The following DOCK1 variants were observed in gnomAD, a reference collection of about 807,000 sequenced individuals.
The protein encoded by DOCK1 is dedicator of cytokinesis 1, also known as dedicator of cytokinesis protein 1.
DOCK1 carries 138 observed loss-of-function variants against 262.7 expected under a neutral mutation model. The observed-to-expected ratio is 0.53, with a 90% CI of 0.46 to 0.61. The LOEUF (loss-of-function observed/expected upper bound fraction) is 0.61. Among genes scored for constraint, DOCK1 ranks in the 20% least tolerant of loss-of-function variants. DOCK1 has a pLI of 0.00. For missense variants in DOCK1, 1,908 were observed against 2,370.7 expected, an observed-to-expected ratio of 0.80 and a Z score of 4.05; for synonymous variants, 866 against 867.4, an observed-to-expected ratio of 1.00 and a Z score of 0.03.
intron 4 of DOCK1, among the ~76,000 whole-genome samples, chr10:126,985,909 A>G (rs892925165): frequency 6.6e-6 from 1 of 152,074 alleles, no homozygotes; most frequent in Admixed American, 6.5e-5. Context: ...CAATGGTACA[A>G]TCTTGGCTCA....
chr10:127,423,897 A>G (rs1313953055), intron 46 of DOCK1, among the ~76,000 whole-genome samples: 1 of 152,164 alleles, frequency 6.6e-6, no homozygotes, highest in East Asian at 1.9e-4. Flanking sequence ...ACTTAGGGAA[A>G]GTCCTCTCCC....
At chr10:127,397,732 GGGC>G (rs1316172569) in intron 38 of DOCK1, among the ~76,000 whole-genome samples, 7 of 91,742 alleles carry the variant, frequency 7.6e-5, no homozygotes, top group African/African-American at 2.3e-4. Context: ...TGTGTGACCC[GGGC>G]AGCGACTCCT....
chr10:127,399,338 T>C (rs1279386289), intron 38 of DOCK1, among the ~76,000 whole-genome samples: 4 of 152,158 alleles, frequency 2.6e-5, no homozygotes, highest in Non-Finnish European at 1.5e-5. Flanking sequence ...CTAGATCATA[T>C]TGAATCTGCC....
intron 32 of DOCK1, among the ~76,000 whole-genome samples, chr10:127,357,074 C>A (rs1309630460): frequency 2.0e-5 from 3 of 152,014 alleles, no homozygotes; most frequent in Admixed American, 2.0e-4. Flanking sequence ...CAACTGCAGC[C>A]ACCATTTGAC....
chr10:127,143,697 C>G (rs2051502009), intron 27 of DOCK1, among the ~76,000 whole-genome samples: 1 of 152,162 alleles, frequency 6.6e-6, no homozygotes, highest in African/African-American at 2.4e-5. Context: ...CCAGAGGAAA[C>G]TAAAAGTTGG....
chr10:127,411,031 T>A (rs748550867), intron 43 of DOCK1, 107 bp downstream of exon 43: 11 of 1,082,190 alleles, frequency 1.0e-5, no homozygotes, highest in Non-Finnish European at 1.3e-5. Context: ...CGGAGCCATA[T>A]TAAATGTCTT....
rs763380695 is a variant in DOCK1 at position 127,012,252 on chromosome 10, T to TTCGC, written c.1082_1083insCTCG (p.His362SerfsTer20). 14 of 1,609,228 alleles carry TTCGC rather than the reference T, an allele frequency of 8.7e-6. No individual in the cohort carries two copies. The highest frequency in any genetic ancestry group is 1.2e-5 in the Non-Finnish European group (14 of 1,175,598). On this transcript the variant is annotated frameshift_variant, in exon 12 of 52. Coordinates refer to ENST00000623213, the MANE Select transcript of DOCK1 (RefSeq NM_001290223.2). LOFTEE classifies it high-confidence loss of function. The surrounding 1 kb of genome is among the most constrained non-coding windows in gnomAD (Gnocchi z 4.0). ...TCCAGGCTCGCGTTGGACGACGCCA[T>TTCGC]TCGACACAAGCCGCTGAACATGTCA...
At chr10:127,166,897 G>A (rs1260285667) in intron 27 of DOCK1, among the ~76,000 whole-genome samples, 2 of 152,002 alleles carry the variant, frequency 1.3e-5, no homozygotes, top group East Asian at 1.9e-4. Flanking sequence ...TGGCTCGGTG[G>A]TGAGGCTTTT....
chr10:127,175,153 G>A lies in DOCK1; in HGVS notation c.2847+47389G>A, dbSNP rs1589776500. The A allele has an allele frequency of 2.8e-6, 4 of 1,430,574 alleles. No homozygotes were observed. The highest frequency in any genetic ancestry group is 3.9e-6 in the Non-Finnish European group (4 of 1,038,210). The allele number at this position is 1,430,574 out of a possible 1,614,324, so 88.6% of individuals were successfully genotyped here. ...TTACAGACTTGGGTTTGGGGCTACAGATGGACTCTGTGGTGATCAGCCTGC... is the reference window on the plus strand; with the variant it reads ...TTACAGACTTGGGTTTGGGGCTACAAATGGACTCTGTGGTGATCAGCCTGC... On this transcript the variant is annotated intron_variant, in intron 27 of 51. Transcript: ENST00000623213. This position sits in a 1 kb window ranked among gnomAD's most constrained non-coding sequence, Gnocchi z 6.3.
chr10:127,346,806 G>A (rs2063654673), intron 31 of DOCK1, among the ~76,000 whole-genome samples: 1 of 152,184 alleles, frequency 6.6e-6, no homozygotes, highest in African/African-American at 2.4e-5. Context: ...ATAGCAACAG[G>A]AGACTCTGGA....
chr10:127,329,418 G>A (rs929131303), intron 29 of DOCK1, among the ~76,000 whole-genome samples: 2 of 151,740 alleles, frequency 1.3e-5, no homozygotes, highest in African/African-American at 2.4e-5. Flanking sequence ...ACACTGGGGT[G>A]CTAGGGCAGG....
At chr10:127,307,829 A>G (rs1203613815) in intron 29 of DOCK1, among the ~76,000 whole-genome samples, 1 of 152,116 alleles carries the variant, frequency 6.6e-6, no homozygotes, top group East Asian at 1.9e-4. Context: ...TTCTCATGGG[A>G]GCCCCACCCC....
intron 1 of DOCK1, among the ~76,000 whole-genome samples, chr10:126,944,029 TG>T (rs1287140524): frequency 2.1e-5 from 3 of 143,392 alleles, no homozygotes; most frequent in African/African-American, 7.8e-5. Flanking sequence ...GAAGAGTTCA[TG>T]GGCAGTGGTT....
At chr10:127,217,088 G>A (rs1031032722) in intron 27 of DOCK1, among the ~76,000 whole-genome samples, 1 of 152,144 alleles carries the variant, frequency 6.6e-6, no homozygotes, top group Admixed American at 6.5e-5. Flanking sequence ...GAAAAGAAGG[G>A]AAGGGGCACA....
intron 1 of DOCK1, among the ~76,000 whole-genome samples, chr10:126,960,718 C>A (rs2037125125): frequency 3.1e-5 from 4 of 128,242 alleles, no homozygotes; most frequent in African/African-American, 6.6e-5. Context: ...ACAGACCTAC[C>A]CTCAAATATA....
intron 50 of DOCK1, 91 bp from the exon 51 acceptor site, chr10:127,447,303 G>T: frequency 6.5e-7 from 1 of 1,528,246 alleles, no homozygotes; most frequent in Non-Finnish European, 8.8e-7. Flanking sequence ...TGCTGTGCCT[G>T]CCTCTCTGGG....
chr10:127,083,278 G>C (rs905222620), intron 23 of DOCK1, among the ~76,000 whole-genome samples: 1 of 152,202 alleles, frequency 6.6e-6, no homozygotes, highest in African/African-American at 2.4e-5. Flanking sequence ...TGCACCTGCT[G>C]TGGCATTTGA....
At chr10:127,324,491 C>T (rs1294812692) in intron 29 of DOCK1, among the ~76,000 whole-genome samples, 1 of 152,178 alleles carries the variant, frequency 6.6e-6, no homozygotes, top group Non-Finnish European at 1.5e-5. Flanking sequence ...CATGTCATCT[C>T]AGGGCAGCTT....
At chr10:126,958,137 T>C (rs1364197482) in intron 1 of DOCK1, among the ~76,000 whole-genome samples, 8,998 of 152,274 alleles carry the variant, frequency 0.059, 303 homozygotes, top group African/African-American at 0.078. Flanking sequence ...GCGTATAGAA[T>C]TATATAAAAG....
Sources: gnomAD v4.1 joint callset for allele counts (sites outside exome capture counted in the v4.1 genomes callset) on GRCh38, gnomAD v4.1.1 for gene constraint, Gnocchi (gnomAD v3.1) non-coding constraint, MANE v1.5 for transcripts, NCBI Gene and HGNC (gene_info 2026-07-23, HGNC 2026-07-21) for gene names.